PCDH18: variants seen among roughly 807,000 people sequenced by gnomAD.
The protein encoded by PCDH18 is protocadherin 18.
In PCDH18, 38 loss-of-function variants were observed where a neutral mutation model predicts 71.5. The observed-to-expected ratio is 0.53, with a 90% CI of 0.41 to 0.70. The LOEUF is 0.70. PCDH18 is among the 30% of genes least tolerant of loss of function. The probability of loss-of-function intolerance (pLI) is 0.00; values close to 1 mark genes in which losing one functional copy is unlikely to be tolerated. For synonymous variants in PCDH18, 565 were observed against 505.4 expected (o/e 1.12, Z -1.58); for missense variants, 1,334 against 1,384.6 (o/e 0.96, Z 0.58).
chr4:137,532,368 G>C lies in PCDH18; in HGVS notation c.-280C>G. ...ACCTCCGCGTTTTCTCCCTTGTGTA[G>C]TCGGAATCCATCTATTGCAGGGTGC... On this transcript the variant is annotated 5_prime_UTR_variant, in exon 1 of 4. Transcript: ENST00000344876. 1 of 702,202 alleles carries C rather than the reference G, an allele frequency of 1.4e-6. No individual in the cohort carries two copies. The highest frequency in any genetic ancestry group is 1.5e-5 in the South Asian group (1 of 67,574). 43.5% of individuals were successfully genotyped at this position (702,202 alleles called of 1,614,324 possible). A position where few individuals can be genotyped will look rare whatever the true frequency, so the allele number is the denominator to read the frequency against.
chr4:137,532,493 C>A lies in PCDH18; in HGVS notation c.-405G>T. ...GTGATTGCTGACTCCAGTCTAAAAT[C>A]TGTACAACTTCACTTCAACTCAGAC... On this transcript the variant is annotated 5_prime_UTR_variant, in exon 1 of 4. Transcript: ENST00000344876. 1 of 612,584 alleles carries A rather than the reference C, an allele frequency of 1.6e-6. No homozygotes were observed. The highest frequency in any genetic ancestry group is 1.9e-5 in the South Asian group (1 of 52,692). The allele number at this position is 612,584 out of a possible 1,614,324, so 37.9% of individuals were successfully genotyped here. A position where few individuals can be genotyped will look rare whatever the true frequency, so the allele number is the denominator to read the frequency against.
In PCDH18 at chr4:137,530,034, A is replaced by G; in HGVS notation, c.2055T>C (p.Ser685=). The G allele has an allele frequency of 5.0e-6, 8 of 1,614,116 alleles. No individual in the cohort carries two copies. The highest frequency in any genetic ancestry group is 6.8e-6 in the Non-Finnish European group (8 of 1,179,976). The change falls in exon 1 of 4, where the codon AGT becomes AGC. Residue 685 remains serine, a synonymous_variant. Transcript: ENST00000344876. The part of the protein sequence containing the change: ...MIFEYAESVT[S]TAMTSVSQAS... ...CCTGGCTTACTGAAGTCATTGCTGT[A>G]CTTGTCACCGACTCTGCATATTCAA...
Position 137,531,273 on chromosome 4 carries a change from A to G in PCDH18, c.816T>C (p.Asp272=). 1 of 1,614,082 alleles carries G rather than the reference A, an allele frequency of 6.2e-7. No individual in the cohort carries two copies. The highest frequency in any genetic ancestry group is 1.1e-5 in the South Asian group (1 of 91,082). ...TTTTCCCATTAGCGCCCTCATCTGG[A>G]TCCGTGGCATTCAGATCTAAGAGCA... ...GTLLLDLNAT[D]PDEGANGKIV... Residue 272 remains aspartate, a synonymous_variant, in exon 1 of 4, where the codon GAT becomes GAC. Transcript: ENST00000344876.
In PCDH18 at chr4:137,521,153, T is replaced by TTA; in HGVS notation, c.3283_3284insTA (p.Asn1095IlefsTer46). ...ATTGTCAAAATCATCTTCCTCATAA[T>TTA]TTTCAGGGATCTCCTCCATGGCTGG... On this transcript the variant is annotated frameshift_variant, in exon 4 of 4. Transcript: ENST00000344876. LOFTEE classifies it high-confidence loss of function. 6.2e-7 allele frequency: 1 copy of TTA among 1,614,152 alleles called. No individual in the cohort carries two copies. The highest frequency in any genetic ancestry group is 8.5e-7 in the Non-Finnish European group (1 of 1,179,994).
Position 137,521,336 on chromosome 4 carries a change from G to T in PCDH18, c.3101C>A (p.Ser1034Tyr), listed in dbSNP as rs1481420341. The T allele has an allele frequency of 8.7e-6, 14 of 1,614,048 alleles. No homozygotes were observed. The highest frequency in any genetic ancestry group is 1.1e-5 in the Non-Finnish European group (13 of 1,180,034). ...SECSEVDRSN[S>Y]LERRKGPLPA... is the part of the protein sequence containing the mutation. The stretch of plus-strand genomic sequence containing the variant: ...CAAGGGTCCCTTCCTGCGCTCCAGG[G>T]AGTTGGACCGATCCACCTCACTGCA... Residue 1034 changes from serine (S) to tyrosine (Y), a missense_variant, in exon 4 of 4, where the codon TCC (serine) becomes TAC (tyrosine). Transcript: ENST00000344876.
In PCDH18 at chr4:137,530,854, T is replaced by G; in HGVS notation, c.1235A>C (p.Glu412Ala). Residue 412 changes from glutamate (E) to alanine (A), a missense_variant, in exon 1 of 4, where the codon GAA (glutamate) becomes GCA (alanine). By Grantham distance (107) the Glu-to-Ala change is moderately radical. Coordinates refer to ENST00000344876, the MANE Select transcript of PCDH18 (RefSeq NM_019035.5). ...HGHFKLQKTY[E>A]NNYLILTNAT... is the part of the protein sequence containing the mutation. ...ATTAGTTAAGATTAAATAATTGTTTTCATATGTCTTCTGAAGTTTAAAGTG... is the reference window on the plus strand; with the variant it reads ...ATTAGTTAAGATTAAATAATTGTTTGCATATGTCTTCTGAAGTTTAAAGTG... The G allele has an allele frequency of 6.2e-7, 1 of 1,609,644 alleles. No individual in the cohort carries two copies. The highest frequency in any genetic ancestry group is 8.5e-7 in the Non-Finnish European group (1 of 1,177,486).
At chr4:137,524,040 A>G (rs1731377963) in intron 3 of PCDH18, among the ~76,000 whole-genome samples, 2 of 152,118 alleles carry the variant, frequency 1.3e-5, no homozygotes, top group South Asian at 4.1e-4. Context: ...CTTGACTGAA[A>G]ACATTCTCAA....
Position 137,528,596 on chromosome 4 carries a change from G to GC in PCDH18, c.2621dup (p.Arg875ProfsTer3). 1 of 1,613,766 alleles carries GC rather than the reference G, an allele frequency of 6.2e-7. No homozygotes were observed. Among genetic ancestry groups the GC allele is most frequent in the Non-Finnish European group, 8.5e-7 (1 of 1,179,810 alleles). On this transcript the variant is annotated frameshift_variant, in exon 3 of 4. Transcript: ENST00000344876. LOFTEE classifies it high-confidence loss of function. The stretch of plus-strand genomic sequence containing the variant: ...TGTCTCCTGCCTCACTGTCACCACG[G>GC]CCACTGTCTTTCAAGCTAAATTTGT...
In PCDH18 at chr4:137,520,475, A is replaced by G. The variant is rs1022528349; in HGVS notation, c.*554T>C. 1 of 152,432 alleles carries G rather than the reference A, an allele frequency of 6.6e-6. No individual in the cohort carries two copies. The highest frequency in any genetic ancestry group is 2.4e-5 in the African/African-American group (1 of 41,458). 9.4% of individuals were successfully genotyped at this position (152,432 alleles called of 1,614,324 possible). A position where few individuals can be genotyped will look rare whatever the true frequency, so the allele number is the denominator to read the frequency against. ...CAGTCCTGAAATAAACTTTCACTTT[A>G]TCTTTCGATTTTCCTATAAGAGTTC... On this transcript the variant is annotated 3_prime_UTR_variant, in exon 4 of 4. Coordinates refer to ENST00000344876, the MANE Select transcript of PCDH18 (RefSeq NM_019035.5).
chr4:137,526,658 C>T (rs1324692360), intron 3 of PCDH18, among the ~76,000 whole-genome samples: 2 of 152,016 alleles, frequency 1.3e-5, no homozygotes, highest in Non-Finnish European at 2.9e-5. Context: ...TATTGTCTCT[C>T]GAAGTCCCCC....
Position 137,531,055 on chromosome 4 carries a change from A to G in PCDH18, c.1034T>C (p.Val345Ala), listed in dbSNP as rs887250702. ...PAHCKIIIKVVDVNDNKPEIN... is the reference protein window; with the variant it reads ...PAHCKIIIKVADVNDNKPEIN... Reference sequence around the variant, plus strand: ...TTCAGGTTTATTGTCATTAACATCCACAACCTTAATTATAATTTTGCAATG... The same window carrying G: ...TTCAGGTTTATTGTCATTAACATCCGCAACCTTAATTATAATTTTGCAATG... The change falls in exon 1 of 4, where the codon GTG (valine) becomes GCG (alanine). Residue 345 changes from valine to alanine, a missense_variant. By Grantham distance (64) the Val-to-Ala change is moderately conservative. Coordinates refer to ENST00000344876, the MANE Select transcript of PCDH18 (RefSeq NM_019035.5). 6.2e-7 allele frequency: 1 copy of G among 1,611,026 alleles called. No individual in the cohort carries two copies. The highest frequency in any genetic ancestry group is 1.3e-5 in the African/African-American group (1 of 74,746).
chr4:137,528,410 G>T, intron 3 of PCDH18, 68 bp downstream of exon 3: 1 of 1,284,106 alleles, frequency 7.8e-7, no homozygotes, highest in Non-Finnish European at 1.1e-6. Context: ...AAGCATGAGA[G>T]AAATTTTTCA....
In PCDH18 at chr4:137,521,520, G is replaced by C. The variant is rs775962087; in HGVS notation, c.2917C>G (p.Pro973Ala). 2 of 1,614,124 alleles carry C rather than the reference G, an allele frequency of 1.2e-6. No homozygotes were observed. The highest frequency in any genetic ancestry group is 3.3e-5 in the Admixed American group (2 of 59,988). The change falls in exon 4 of 4, where the codon CCT becomes GCT. Residue 973 changes from proline to alanine, a missense_variant. Coordinates refer to ENST00000344876, the MANE Select transcript of PCDH18 (RefSeq NM_019035.5). ...PHQSLEDDAQ[P>A]ADSGEKKKSF... ...TTCTTCTTTTCACCGGAATCTGCAG[G>C]CTGAGCGTCATCCTCAAGACTCTGA...
rs762927879 is a variant in PCDH18 at position 137,530,750 on chromosome 4, T to C, written c.1339A>G (p.Thr447Ala). The change falls in exon 1 of 4, where the codon ACA becomes GCA. Residue 447 changes from threonine (T) to alanine (A), a missense_variant. Around this residue, in one of 3 missense-constraint regions of PCDH18, gnomAD observed 1,011 missense variants for 1,048.0 expected, o/e 0.96. Transcript: ENST00000344876. Reference sequence around the variant, plus strand: ...ATTTGAACTGTAAAATGTTTCACTGTAGAGAGACTGGGTGTCCCCCTGTCC... The same window carrying C: ...ATTTGAACTGTAAAATGTTTCACTGCAGAGAGACTGGGTGTCCCCCTGTCC... ...AEDRGTPSLS[T>A]VKHFTVQIND... 7 of 1,612,960 alleles carry C rather than the reference T, an allele frequency of 4.3e-6. No individual in the cohort carries two copies. Among genetic ancestry groups the C allele is most frequent in the Non-Finnish European group, 5.9e-6 (7 of 1,179,156 alleles).
rs777954074 is a variant in PCDH18 at position 137,530,422 on chromosome 4, A to G, written c.1667T>C (p.Leu556Pro). Reference sequence around the variant, plus strand: ...GAGCACAACTGTGGTATTGCTTACCAGTTGCTTCGGGCTTCCTCCATCTCT... The same window carrying G: ...GAGCACAACTGTGGTATTGCTTACCGGTTGCTTCGGGCTTCCTCCATCTCT... Reference protein sequence around the residue: ...EARDGGSPKQLVSNTTVVLTI... With the variant: ...EARDGGSPKQPVSNTTVVLTI... The change falls in exon 1 of 4, where the codon CTG (leucine) becomes CCG (proline). Residue 556 changes from leucine to proline, a missense_variant. Transcript: ENST00000344876. 2.5e-6 allele frequency: 4 copies of G among 1,614,134 alleles called. No homozygotes were observed. In the South Asian group the frequency reaches 4.4e-5, roughly 18 times the overall value.
intron 3 of PCDH18, among the ~76,000 whole-genome samples, chr4:137,527,747 T>G (rs1402097386): frequency 2.0e-5 from 3 of 152,178 alleles, no homozygotes; most frequent in African/African-American, 7.2e-5. Flanking sequence ...GTAGTGGGGC[T>G]GCTAGGATAA....
chr4:137,525,284 G>T (rs1731415698), intron 3 of PCDH18, among the ~76,000 whole-genome samples: 1 of 152,116 alleles, frequency 6.6e-6, no homozygotes, highest in Admixed American at 6.6e-5. Flanking sequence ...TAGCATGAAT[G>T]ACCAGAAATG....
At chr4:137,528,182 A>C (rs1731534380) in intron 3 of PCDH18, among the ~76,000 whole-genome samples, 1 of 152,144 alleles carries the variant, frequency 6.6e-6, no homozygotes, top group South Asian at 2.1e-4. Context: ...GATGAGGTGG[A>C]AAGAGGGGGA....
Position 137,530,970 on chromosome 4 carries a change from A to G in PCDH18, c.1119T>C (p.Asp373=). The change falls in exon 1 of 4, where the codon GAT becomes GAC. Residue 373 remains aspartate (D), a synonymous_variant. Transcript: ENST00000344876. ...KEEISYIFEG[D]PIDTFVALVR... ...CCAAAGCAACAAATGTATCAATAGG[A>G]TCCCCTTCAAAAATATAAGATATTT... The G allele has an allele frequency of 7.4e-6, 12 of 1,613,586 alleles. No homozygotes were observed. Among genetic ancestry groups the G allele is most frequent in the Non-Finnish European group, 1.0e-5 (12 of 1,179,764 alleles).
Sources: gnomAD v4.1 joint callset for allele counts (sites outside exome capture counted in the v4.1 genomes callset) on GRCh38, gnomAD v4.1.1 for gene constraint, gnomAD v4.1.1 regional missense constraint, MANE v1.5 for transcripts, NCBI Gene and HGNC (gene_info 2026-07-23, HGNC 2026-07-21) for gene names.